Variants in ADCY9 observed in about 807,000 individuals in gnomAD.
ADCY9 encodes the protein adenylate cyclase type 9.
A neutral mutation model predicts 101.5 loss-of-function variants in ADCY9; 50 were observed. The observed-to-expected ratio is 0.49, with a 90% CI of 0.39 to 0.62. The LOEUF (loss-of-function observed/expected upper bound fraction) is 0.62, where lower values mean the gene tolerates loss of function less well. ADCY9 is among the 20% of genes least tolerant of loss of function. The pLI, the probability that ADCY9 is intolerant of heterozygous loss-of-function variation, is 0.00. For missense variants in ADCY9, 1,662 were observed against 1,800.4 expected, an observed-to-expected ratio of 0.92 and a Z score of 1.39; for synonymous variants, 905 against 769.3, an observed-to-expected ratio of 1.18 and a Z score of -2.92.
intron 3 of ADCY9, among the ~76,000 whole-genome samples, chr16:4,006,340 A>C (rs1055310641): frequency 6.6e-6 from 1 of 152,032 alleles, no homozygotes; most frequent in Non-Finnish European, 1.5e-5. Flanking sequence ...CAAAGCACCC[A>C]ACGACCGCGA....
intron 2 of ADCY9, among the ~76,000 whole-genome samples, chr16:4,031,736 G>A (rs925408663): frequency 2.0e-5 from 3 of 151,758 alleles, no homozygotes; most frequent in African/African-American, 7.3e-5. Context: ...AATTAATCAG[G>A]CATGGTGGTG....
downstream of ADCY9, among the ~76,000 whole-genome samples, chr16:3,961,749 G>A (rs1298649570): frequency 2.0e-5 from 3 of 152,156 alleles, no homozygotes; most frequent in Non-Finnish European, 2.9e-5. Flanking sequence ...TACCAGGCCG[G>A]GCACAGTGGC....
chr16:4,049,479 T>C (rs2056687066), intron 2 of ADCY9, among the ~76,000 whole-genome samples: 1 of 152,150 alleles, frequency 6.6e-6, no homozygotes, highest in African/African-American at 2.4e-5. Context: ...GTAAACACCT[T>C]TGGCCAGATT....
intron 2 of ADCY9, among the ~76,000 whole-genome samples, chr16:4,016,662 A>G (rs1038022514): frequency 6.6e-6 from 1 of 152,242 alleles, no homozygotes; most frequent in Non-Finnish European, 1.5e-5. Flanking sequence ...CTTGAAAACA[A>G]AAAAAGGGAA....
intron 2 of ADCY9, among the ~76,000 whole-genome samples, chr16:4,034,580 T>C (rs1013958992): frequency 6.6e-6 from 1 of 152,084 alleles, no homozygotes; most frequent in African/African-American, 2.4e-5. Flanking sequence ...CAGCTAATTT[T>C]TGTATTATTA....
At chr16:4,015,887 G>C (rs1039450732) in intron 2 of ADCY9, among the ~76,000 whole-genome samples, 1 of 151,706 alleles carries the variant, frequency 6.6e-6, no homozygotes, top group African/African-American at 2.4e-5. Flanking sequence ...AAAATCTCTC[G>C]AACCCGGGAG....
At chr16:4,062,692 C>G (rs1389188627) in intron 2 of ADCY9, among the ~76,000 whole-genome samples, 1 of 151,734 alleles carries the variant, frequency 6.6e-6, no homozygotes, top group Non-Finnish European at 1.5e-5. Flanking sequence ...AACAAACAAA[C>G]AAAAACACAA....
At chr16:4,085,249 C>T (rs2056930375) in intron 2 of ADCY9, among the ~76,000 whole-genome samples, 1 of 152,116 alleles carries the variant, frequency 6.6e-6, no homozygotes, top group African/African-American at 2.4e-5. Flanking sequence ...ATAATCCCAG[C>T]TACTTGGGAA....
At chr16:4,072,846 T>C (rs898990878) in intron 2 of ADCY9, among the ~76,000 whole-genome samples, 1 of 151,856 alleles carries the variant, frequency 6.6e-6, no homozygotes, top group African/African-American at 2.4e-5. Flanking sequence ...TTGGGAAACA[T>C]ATTACATTCA....
In ADCY9 at chr16:3,977,606, C is replaced by T. The variant is rs147280539; in HGVS notation, c.2704G>A (p.Ala902Thr). 87 of 1,612,362 alleles carry T rather than the reference C, an allele frequency of 5.4e-5. No homozygotes were observed. Among genetic ancestry groups the T allele is most frequent in the Non-Finnish European group, 6.7e-5 (79 of 1,179,634 alleles). ...CAGTAGTGCACGACGGCAATCAGCG[C>T]GGCCGAGCCTGTGAACACTGGGAAC... ...IHFPVFTGSA[A>T]LIAVVHYCNF... The change falls in exon 9 of 11, where the codon GCG becomes ACG. Residue 902 changes from alanine (A) to threonine (T), a missense_variant. This residue lies in a region of ADCY9 where 624 missense variants were observed against 639.1 expected (regional missense o/e 0.98). Coordinates refer to ENST00000294016, the MANE Select transcript of ADCY9 (RefSeq NM_001116.4).
At chr16:4,102,512 G>A (rs1055159488) in intron 2 of ADCY9, among the ~76,000 whole-genome samples, 1 of 152,088 alleles carries the variant, frequency 6.6e-6, no homozygotes, top group African/African-American at 2.4e-5. Flanking sequence ...CGCAACCTCC[G>A]CCTCCTGGAT....
At position 3,992,246 on chromosome 16, in the gene ADCY9, C is replaced by A; in HGVS notation, c.2107G>T (p.Ala703Ser). The A allele has an allele frequency of 6.2e-7, 1 of 1,614,150 alleles. No homozygotes were observed. The highest frequency in any genetic ancestry group is 1.7e-5 in the Admixed American group (1 of 60,012). The change falls in exon 5 of 11, where the codon GCA becomes TCA. Residue 703 changes from alanine to serine, a missense_variant. Physicochemically the swap from Ala to Ser is moderately conservative, Grantham distance 99. Transcript: ENST00000294016. This position sits in a 1 kb window ranked among gnomAD's most constrained non-coding sequence, Gnocchi z 4.2. ...GCCGACTGGTCCAGGCTCACCCCTG[C>A]CCACCTTCCCTTCTCCTGCAAGATC... ...CEILQEKGRW[A>S]GVSLDQSALL...
chr16:3,999,284 T>A (rs996870638), intron 3 of ADCY9, among the ~76,000 whole-genome samples: 10 of 152,078 alleles, frequency 6.6e-5, no homozygotes, highest in African/African-American at 2.4e-4. Context: ...GACTTAGGAA[T>A]GTCTATGGGC....
At chr16:4,112,199 G>A (rs2057117985) in intron 2 of ADCY9, among the ~76,000 whole-genome samples, 1 of 152,228 alleles carries the variant, frequency 6.6e-6, no homozygotes, top group Non-Finnish European at 1.5e-5. Flanking sequence ...TCAGACTCAA[G>A]AGCGAGTGCC....
chr16:3,996,352 C>T (rs2056286716), intron 3 of ADCY9, among the ~76,000 whole-genome samples: 1 of 152,142 alleles, frequency 6.6e-6, no homozygotes, highest in Non-Finnish European at 1.5e-5. Flanking sequence ...ACAGAGCAAA[C>T]CCATTCTCAA....
chr16:3,975,076 G>A (rs562058797), intron 9 of ADCY9, among the ~76,000 whole-genome samples: 4 of 152,146 alleles, frequency 2.6e-5, no homozygotes, highest in East Asian at 3.8e-4. Flanking sequence ...GCACAAAGGC[G>A]GCAGAGGGGT....
intron 2 of ADCY9, among the ~76,000 whole-genome samples, chr16:4,110,460 G>A (rs2057107001): frequency 7.3e-6 from 1 of 136,434 alleles, no homozygotes; most frequent in Non-Finnish European, 1.5e-5. Context: ...CATGATCACA[G>A]CTCACTGCAA....
chr16:3,993,371 G>C, intron 4 of ADCY9, 35 bp downstream of exon 4: 3 of 1,607,150 alleles, frequency 1.9e-6, no homozygotes, highest in South Asian at 2.2e-5. Flanking sequence ...CGCCAGGAGA[G>C]GAACTGACAG....
rs145223924 is a variant in ADCY9, at chr16:3,983,311, C to T, written c.2440G>A (p.Val814Met). The T allele has an allele frequency of 7.1e-5, 112 of 1,568,366 alleles. No homozygotes were observed. Among genetic ancestry groups the T allele is most frequent in the South Asian group, 1.8e-4 (15 of 85,250 alleles). Residue 814 changes from valine (V) to methionine (M), a missense_variant, in exon 7 of 11, where the codon GTG becomes ATG. Transcript: ENST00000294016. ...GCCAGGGCGGCGGGCGGGGGAGGCA[C>T]GGTGGCCGCCTCGTACTTCAGGAAG... ...TCFLKYEAATVPPPPAALAVF... is the reference protein window; with the variant it reads ...TCFLKYEAATMPPPPAALAVF...
Sources: gnomAD v4.1 joint callset for allele counts (sites outside exome capture counted in the v4.1 genomes callset) on GRCh38, gnomAD v4.1.1 for gene constraint, gnomAD v4.1.1 regional missense constraint, Gnocchi (gnomAD v3.1) non-coding constraint, MANE v1.5 for transcripts, NCBI Gene and HGNC (gene_info 2026-07-23, HGNC 2026-07-21) for gene names.